The following DOK6 variants were observed in gnomAD, a reference collection of about 807,000 sequenced individuals.
DOK6 encodes the protein downstream of tyrosine kinase 6.
DOK6 carries 22 observed loss-of-function variants against 44.0 expected under a neutral mutation model. The ratio of observed to expected loss-of-function variants is 0.50; its 90% CI spans 0.36 to 0.71. The LOEUF (loss-of-function observed/expected upper bound fraction) is 0.71, where lower values mean the gene tolerates loss of function less well. Ranked by LOEUF, DOK6 falls within the 30% of genes least tolerant of loss-of-function variation. DOK6 has a pLI of 0.00. For missense variants in DOK6, 340 were observed against 416.4 expected, an observed-to-expected ratio of 0.82 and a Z score of 1.60; for synonymous variants, 166 against 145.5, an observed-to-expected ratio of 1.14 and a Z score of -1.01.
intron 1 of DOK6, among the ~76,000 whole-genome samples, chr18:69,406,306 AT>A: frequency 6.6e-6 from 1 of 152,200 alleles, no homozygotes; most frequent in East Asian, 1.9e-4. Flanking sequence ...TCTATTGGCA[AT>A]TTTTTTCCTT....
chr18:69,534,497 A>AT lies in DOK6; in HGVS notation c.67-29982dup, dbSNP rs568503817. Among the ~76,000 whole-genome samples the AT allele has an allele frequency of 3.1e-3, 472 of 151,982 alleles. 6 individuals are homozygous for AT. The highest frequency in any genetic ancestry group is 0.01 in the African/African-American group (430 of 41,470). ...CTTATTATTCTATATTTGCTTCTAA[A>AT]TTTTTTTTAATTTTCTTATTCATAT... is the stretch of plus-strand genomic sequence containing the variant. On this transcript the variant is annotated intron_variant, in intron 1 of 7. Transcript: ENST00000382713.
chr18:69,695,494 A>G (rs1052097829), intron 4 of DOK6, among the ~76,000 whole-genome samples: 4 of 152,240 alleles, frequency 2.6e-5, no homozygotes, highest in Non-Finnish European at 5.9e-5. Flanking sequence ...AGCCAATTTT[A>G]ACCACTCCAT....
At chr18:69,543,183 T>C (rs1010959322) in intron 1 of DOK6, among the ~76,000 whole-genome samples, 8 of 151,572 alleles carry the variant, frequency 5.3e-5, no homozygotes, top group African/African-American at 1.5e-4. Flanking sequence ...TTTACTTTTA[T>C]TTTCGGCTGT....
chr18:69,706,135 T>G (rs1395968116), intron 5 of DOK6, among the ~76,000 whole-genome samples: 1 of 152,218 alleles, frequency 6.6e-6, no homozygotes, highest in Non-Finnish European at 1.5e-5. Flanking sequence ...ATTGGCTTTA[T>G]GCAGAGGAAA....
At chr18:69,819,964 A>T (rs527733632) in intron 7 of DOK6, among the ~76,000 whole-genome samples, 2 of 152,242 alleles carry the variant, frequency 1.3e-5, no homozygotes, top group Admixed American at 6.5e-5. Flanking sequence ...AAAATCTCAT[A>T]ATGTTTAAGA....
intron 5 of DOK6, among the ~76,000 whole-genome samples, chr18:69,726,199 C>T (rs62090461): frequency 0.064 from 9,665 of 151,964 alleles, 447 homozygotes; most frequent in Admixed American, 0.13. Flanking sequence ...ATCTTCACTC[C>T]CCTCTTTCTC....
chr18:69,847,074 A>AG lies in DOK6; in HGVS notation c.*5693dup, dbSNP rs1982360785. The stretch of plus-strand genomic sequence containing the variant: ...GTAAATATTAATATTTGAAGGGGAG[A>AG]GGAAAAATACATTTGTAGTAGAAAT... On this transcript the variant is annotated 3_prime_UTR_variant, in exon 8 of 8. Coordinates refer to ENST00000382713, the MANE Select transcript of DOK6 (RefSeq NM_152721.6). The AG allele has an allele frequency of 6.6e-6, 1 of 152,122 alleles. No individual in the cohort carries two copies. Among genetic ancestry groups the AG allele is most frequent in the Admixed American group, 6.5e-5 (1 of 15,274 alleles). 9.4% of individuals were successfully genotyped at this position (152,122 alleles called of 1,614,324 possible).
intron 7 of DOK6, among the ~76,000 whole-genome samples, chr18:69,835,520 C>T (rs1346741401): frequency 6.6e-6 from 1 of 151,940 alleles, no homozygotes; most frequent in African/African-American, 2.4e-5. Flanking sequence ...CAATTCATTG[C>T]AGTAAGAGCC....
At chr18:69,550,652 T>C (rs1210914332) in intron 1 of DOK6, among the ~76,000 whole-genome samples, 1 of 152,110 alleles carries the variant, frequency 6.6e-6, no homozygotes, top group African/African-American at 2.4e-5. Context: ...ATGAAGTGTA[T>C]GGAGAGCTAA....
At chr18:69,439,609 A>T (rs900896987) in intron 1 of DOK6, among the ~76,000 whole-genome samples, 3 of 152,202 alleles carry the variant, frequency 2.0e-5, no homozygotes, top group Admixed American at 2.0e-4. Flanking sequence ...TGTTATAGAG[A>T]TGGCTTCTTT....
intron 1 of DOK6, among the ~76,000 whole-genome samples, chr18:69,496,293 G>T (rs769136174): frequency 3.0e-4 from 46 of 152,238 alleles, no homozygotes; most frequent in Admixed American, 5.2e-4. Flanking sequence ...GGGATGCCCG[G>T]GTCCACAGCC....
intron 1 of DOK6, among the ~76,000 whole-genome samples, chr18:69,442,475 A>G (rs890302012): frequency 2.0e-5 from 3 of 152,090 alleles, no homozygotes; most frequent in African/African-American, 7.2e-5. Flanking sequence ...CCCTTATAAA[A>G]CCATCAGACG....
intron 4 of DOK6, among the ~76,000 whole-genome samples, chr18:69,683,131 A>G (rs976284447): frequency 6.6e-6 from 1 of 152,000 alleles, no homozygotes; most frequent in African/African-American, 2.4e-5. Context: ...AATTTTATCT[A>G]TGGGATGACC....
chr18:69,685,463 A>G (rs1313289540), intron 4 of DOK6, among the ~76,000 whole-genome samples: 12 of 152,214 alleles, frequency 7.9e-5, no homozygotes, highest in Non-Finnish European at 1.6e-4. Context: ...TAAATAAGAT[A>G]TGACTTGGAA....
chr18:69,719,862 AGGCCCCATGT>A (rs1986967254), intron 5 of DOK6, among the ~76,000 whole-genome samples: 1 of 152,216 alleles, frequency 6.6e-6, no homozygotes, highest in Admixed American at 6.5e-5. Context: ...TGAAAGTCCC[AGGCCCCATGT>A]GGTTGAGGAT....
intron 7 of DOK6, among the ~76,000 whole-genome samples, chr18:69,807,502 T>C (rs1226069457): frequency 6.6e-6 from 1 of 151,914 alleles, no homozygotes; most frequent in East Asian, 1.9e-4. Flanking sequence ...ATGGAATGGC[T>C]GAAGGTATTA....
intron 1 of DOK6, among the ~76,000 whole-genome samples, chr18:69,410,387 T>C (rs1192783221): frequency 1.3e-5 from 2 of 152,202 alleles, no homozygotes; most frequent in African/African-American, 4.8e-5. Context: ...TTGATAATTG[T>C]TGCCATCAAA....
intron 1 of DOK6, among the ~76,000 whole-genome samples, chr18:69,483,104 A>C (rs965426047): frequency 2.0e-5 from 3 of 151,712 alleles, no homozygotes; most frequent in African/African-American, 7.3e-5. Flanking sequence ...TTTTCTCATC[A>C]TTTAGCTCCC....
chr18:69,708,448 T>C (rs959949871), intron 5 of DOK6, among the ~76,000 whole-genome samples: 2 of 152,104 alleles, frequency 1.3e-5, no homozygotes, highest in African/African-American at 2.4e-5. Flanking sequence ...AAAAATATAC[T>C]CTGCTATGTC....
Sources: allele counts gnomAD v4.1 joint callset (sites outside exome capture counted in the v4.1 genomes callset), GRCh38; gene constraint gnomAD v4.1.1; transcripts MANE v1.5; gene names NCBI Gene and HGNC (gene_info 2026-07-23, HGNC 2026-07-21).